The following SLC9C1 variants were observed in gnomAD, a reference collection of about 807,000 sequenced individuals.
SLC9C1 encodes the protein sodium/hydrogen exchanger 10.
In SLC9C1, 97 loss-of-function variants were observed where a neutral mutation model predicts 140.9. That is an observed-to-expected ratio of 0.69 (90% CI 0.58 to 0.82). SLC9C1 has a LOEUF of 0.82. Among genes scored for constraint, SLC9C1 ranks in the 40% least tolerant of loss-of-function variants. SLC9C1 has a pLI of 0.00. For missense variants in SLC9C1, 1,340 were observed against 1,389.3 expected, an observed-to-expected ratio of 0.96 and a Z score of 0.56; for synonymous variants, 440 against 442.6, an observed-to-expected ratio of 0.99 and a Z score of 0.07.
intron 17 of SLC9C1, 37 bp from the exon 18 acceptor site, chr3:112,202,436 C>T (rs757632084): frequency 6.5e-7 from 1 of 1,544,704 alleles, no homozygotes; most frequent in Non-Finnish European, 8.7e-7. Context: ...ATAAATTGCA[C>T]AAATATCATT....
intron 20 of SLC9C1, among the ~76,000 whole-genome samples, chr3:112,191,463 C>T (rs1418800107): frequency 6.6e-6 from 1 of 151,948 alleles, no homozygotes; most frequent in African/African-American, 2.4e-5. Context: ...ATTATTTTAT[C>T]CTTAATTTTG....
intron 20 of SLC9C1, among the ~76,000 whole-genome samples, chr3:112,198,229 TATA>T (rs1196621340): frequency 6.6e-6 from 1 of 151,940 alleles, no homozygotes; most frequent in African/African-American, 2.4e-5. Context: ...TAATTGTAAA[TATA>T]ATAATATTTT....
chr3:112,225,400 C>A (rs2078655279), intron 13 of SLC9C1, among the ~76,000 whole-genome samples: 3 of 151,980 alleles, frequency 2.0e-5, no homozygotes, highest in South Asian at 2.1e-4. Context: ...AGCAAAAGGA[C>A]AATAACTAAG....
At chr3:112,225,011 T>G (rs1268281183) in intron 13 of SLC9C1, among the ~76,000 whole-genome samples, 1 of 152,060 alleles carries the variant, frequency 6.6e-6, no homozygotes, top group East Asian at 1.9e-4. Flanking sequence ...TTTGAAAAGA[T>G]ATAGACATCT....
At chr3:112,293,277 A>AATAT (rs60247423) in intron 1 of SLC9C1, among the ~76,000 whole-genome samples, 14 of 149,220 alleles carry the variant, frequency 9.4e-5, no homozygotes, top group African/African-American at 3.2e-4. Flanking sequence ...CTCTATTTCA[A>AATAT]ATATATATAT....
At chr3:112,270,946 A>G (rs1186633970) in intron 6 of SLC9C1, among the ~76,000 whole-genome samples, 1 of 152,230 alleles carries the variant, frequency 6.6e-6, no homozygotes, top group African/African-American at 2.4e-5. Context: ...GTGAATGAAT[A>G]AAGAAAATAT....
intron 20 of SLC9C1, chr3:112,185,564 T>C (rs1576295591): frequency 2.5e-6 from 4 of 1,611,946 alleles, no homozygotes; most frequent in East Asian, 2.2e-5. Context: ...GCACACACAC[T>C]GTGGGCACCT....
intron 2 of SLC9C1, among the ~76,000 whole-genome samples, chr3:112,282,108 G>A (rs533673509): frequency 6.6e-5 from 10 of 152,136 alleles, no homozygotes; most frequent in Admixed American, 6.5e-4. Flanking sequence ...ACACCTGAGA[G>A]GTACAAAAAC....
intron 27 of SLC9C1, among the ~76,000 whole-genome samples, chr3:112,152,881 G>A (rs1373641770): frequency 6.6e-6 from 1 of 152,196 alleles, no homozygotes; most frequent in Non-Finnish European, 1.5e-5. Context: ...CAGGGTTACA[G>A]ATTAGCAGCA....
chr3:112,211,582 C>A (rs1049279530), intron 15 of SLC9C1, among the ~76,000 whole-genome samples: 1 of 152,216 alleles, frequency 6.6e-6, no homozygotes, highest in Non-Finnish European at 1.5e-5. Context: ...CTCGGAGGGT[C>A]CCACGCCCAC....
chr3:112,207,161 A>G (rs763453465), intron 16 of SLC9C1, among the ~76,000 whole-genome samples: 4 of 152,310 alleles, frequency 2.6e-5, no homozygotes, highest in Admixed American at 2.0e-4. Context: ...GTCTTTCTGC[A>G]TATTTCAAAA....
chr3:112,141,205 G>A lies in SLC9C1; in HGVS notation c.*67C>T. ...TTACTCCTTCTTGATGTAGGGAAGT[G>A]TGTTTCTGCAGCAGGAGGCCTCTCA... On this transcript the variant is annotated 3_prime_UTR_variant, in exon 29 of 29. Coordinates refer to ENST00000305815, the MANE Select transcript of SLC9C1 (RefSeq NM_183061.3). The A allele has an allele frequency of 6.9e-7, 1 of 1,459,244 alleles. No individual in the cohort carries two copies. Among genetic ancestry groups the A allele is most frequent in the Non-Finnish European group, 9.2e-7 (1 of 1,092,422 alleles). The allele number at this position is 1,459,244 out of a possible 1,614,324, so 90.4% of individuals were successfully genotyped here. A position where few individuals can be genotyped will look rare whatever the true frequency, so the allele number is the denominator to read the frequency against.
At chr3:112,245,712 C>G (rs2079264422) in intron 10 of SLC9C1, among the ~76,000 whole-genome samples, 1 of 152,008 alleles carries the variant, frequency 6.6e-6, no homozygotes, top group African/African-American at 2.4e-5. Flanking sequence ...TTCTGTATTT[C>G]TATATGGAGT....
intron 28 of SLC9C1, among the ~76,000 whole-genome samples, chr3:112,150,809 TAAATAC>T (rs1560003334): frequency 0.093 from 9,139 of 98,468 alleles, 578 homozygotes; most frequent in South Asian, 0.16. Context: ...TATATATATA[TAAATAC>T]ATATACATAT....
intron 2 of SLC9C1, among the ~76,000 whole-genome samples, chr3:112,284,586 A>C (rs556545171): frequency 6.6e-6 from 1 of 152,314 alleles, no homozygotes; most frequent in South Asian, 2.1e-4. Context: ...TAGCCAGGGG[A>C]ATTTAGCAAA....
chr3:112,222,000 C>T (rs538297471), intron 13 of SLC9C1, among the ~76,000 whole-genome samples: 3 of 152,208 alleles, frequency 2.0e-5, no homozygotes, highest in Non-Finnish European at 4.4e-5. Context: ...AACACTGCTT[C>T]GTTTTGGGGA....
intron 20 of SLC9C1, among the ~76,000 whole-genome samples, chr3:112,192,596 A>G (rs1257574249): frequency 6.6e-6 from 1 of 151,906 alleles, no homozygotes; most frequent in African/African-American, 2.4e-5. Context: ...TTATTTCAGA[A>G]GACTTGTCTT....
In SLC9C1 at chr3:112,293,338, A is replaced by C. The variant is rs9876169; in HGVS notation, c.-88+755T>G. ...ATATCTCAATTCTCTTTGTGTGTGG[A>C]GGAAATTAATGACTGCCCTCTCAAA... On this transcript the variant is annotated intron_variant, in intron 1 of 28. Coordinates refer to ENST00000305815, the MANE Select transcript of SLC9C1 (RefSeq NM_183061.3). Among the ~76,000 whole-genome samples, 1,381 of 152,146 alleles carry C rather than the reference A, an allele frequency of 9.1e-3. 20 individuals are homozygous for C. The highest frequency in any genetic ancestry group is 0.031 in the African/African-American group (1,293 of 41,502).
chr3:112,250,154 C>T (rs1399227653), intron 10 of SLC9C1, among the ~76,000 whole-genome samples: 1 of 151,002 alleles, frequency 6.6e-6, no homozygotes, highest in Non-Finnish European at 1.5e-5. Flanking sequence ...TGAGTGAGAA[C>T]ATGCGGTGTT....
Sources: allele counts gnomAD v4.1 joint callset (sites outside exome capture counted in the v4.1 genomes callset), GRCh38; gene constraint gnomAD v4.1.1; transcripts MANE v1.5; gene names NCBI Gene and HGNC (gene_info 2026-07-23, HGNC 2026-07-21).